Variants in LRTM3 observed in about 807,000 individuals in gnomAD.
The protein encoded by LRTM3 is leucine rich repeat transmembrane protein 3, also known as leucine-rich repeat transmembrane protein 3.
At chr13:102,739,125 T>C in the LRTM3 span, 26 of 1,550,386 alleles carry the variant, frequency 1.7e-5, no homozygotes, top group Non-Finnish European at 2.2e-5. Flanking sequence ...GGAGAAAGAA[T>C]AGAAGCACAG....
the LRTM3 span, chr13:102,741,882 T>A: frequency 5.8e-6 from 9 of 1,550,328 alleles, no homozygotes; most frequent in South Asian, 1.1e-4. Flanking sequence ...TGTGAACTAA[T>A]CCTTAACGGT....
At chr13:102,746,045 A>G in the LRTM3 span, 9 of 1,551,108 alleles carry the variant, frequency 5.8e-6, no homozygotes, top group South Asian at 9.5e-5. Context: ...ACCTCCAAGG[A>G]CTTTTATGTC....
At chr13:102,739,767 CA>C in the LRTM3 span, 1 of 1,549,104 alleles carries the variant, frequency 6.5e-7, no homozygotes. Flanking sequence ...ATCACCCCAT[CA>C]ATTGTTTCTT....
chr13:102,743,439 G>C, the LRTM3 span: 2,063 of 1,550,454 alleles, frequency 1.3e-3, 1 homozygote, highest in Non-Finnish European at 1.6e-3. Context: ...TTGGATTCAA[G>C]TTTCTTCCTA....
the LRTM3 span, chr13:102,737,126 G>C: frequency 1.3e-6 from 2 of 1,551,038 alleles, no homozygotes; most frequent in East Asian, 2.4e-5. Context: ...TAATTGCTCT[G>C]CCTCAAAAAT....
the LRTM3 span, chr13:102,738,550 C>T: frequency 1.3e-6 from 2 of 1,550,694 alleles, no homozygotes; most frequent in Non-Finnish European, 1.7e-6. Context: ...TCTTCAAAGC[C>T]CTAATTTTTT....
the LRTM3 span, chr13:102,735,707 GT>G: frequency 7.7e-6 from 12 of 1,550,942 alleles, no homozygotes; most frequent in Non-Finnish European, 1.0e-5. Flanking sequence ...GTTGCTTAAT[GT>G]GTAACCATGC....
At chr13:102,744,973 A>G in the LRTM3 span, 39 of 1,550,624 alleles carry the variant, frequency 2.5e-5, 1 homozygote, top group Admixed American at 7.3e-4. Flanking sequence ...AAACTTCACC[A>G]TTTACTGAGT....
the LRTM3 span, chr13:102,748,295 C>T: frequency 6.4e-7 from 1 of 1,551,152 alleles, no homozygotes; most frequent in Middle Eastern, 1.7e-4. Flanking sequence ...CAATGGTTTA[C>T]TTTCCTTCAG....
At chr13:102,745,470 T>C in the LRTM3 span, 8 of 1,550,896 alleles carry the variant, frequency 5.2e-6, no homozygotes, top group Admixed American at 5.9e-5. Flanking sequence ...AGTTCTTTCA[T>C]TTTGGTTGTC....
chr13:102,738,080 T>A, the LRTM3 span: 1 of 1,551,036 alleles, frequency 6.4e-7, no homozygotes, highest in Non-Finnish European at 8.7e-7. Context: ...TTCTCTGTCC[T>A]CTTTCCCTTG....
chr13:102,751,353 AC>A, the LRTM3 span, among the ~76,000 whole-genome samples: 6 of 111,298 alleles, frequency 5.4e-5, no homozygotes, highest in Non-Finnish European at 1.2e-4. Context: ...ACACACACAC[AC>A]ACACACACAC....
the LRTM3 span, among the ~76,000 whole-genome samples, chr13:102,752,944 C>A: frequency 6.6e-6 from 1 of 152,058 alleles, no homozygotes; most frequent in Non-Finnish European, 1.5e-5. Context: ...ATGACTGGTG[C>A]CCTTGTAAGA....
chr13:102,736,616 G>A, the LRTM3 span: 3 of 1,550,914 alleles, frequency 1.9e-6, no homozygotes, highest in Admixed American at 2.0e-5. Flanking sequence ...AAAAGGACAA[G>A]TTTTGCTCAG....
At chr13:102,731,312 C>A in the LRTM3 span, 1 of 1,551,280 alleles carries the variant, frequency 6.4e-7, no homozygotes, top group Non-Finnish European at 8.7e-7. Flanking sequence ...TGTTTTATGT[C>A]TAGAATAGAA....
At chr13:102,738,578 T>C in the LRTM3 span, 1 of 1,550,546 alleles carries the variant, frequency 6.4e-7, no homozygotes, top group South Asian at 1.2e-5. Context: ...TTGCCTCTGT[T>C]CTTTTTGCAA....
At chr13:102,748,144 T>C in the LRTM3 span, 5 of 1,551,064 alleles carry the variant, frequency 3.2e-6, no homozygotes, top group Non-Finnish European at 4.4e-6. Context: ...TATCAGGTAG[T>C]TGAGAAATGG....
the LRTM3 span, chr13:102,741,963 C>T: frequency 5.2e-6 from 8 of 1,550,498 alleles, no homozygotes; most frequent in African/African-American, 5.5e-5. Context: ...ATATCTTGTT[C>T]CTGTTTTCTA....
At chr13:102,745,319 G>C in the LRTM3 span, 1 of 1,550,674 alleles carries the variant, frequency 6.4e-7, no homozygotes, top group Non-Finnish European at 8.7e-7. Context: ...ATGTGGAGAT[G>C]TATCTTGCTT....
Sources: gnomAD v4.1 joint callset for allele counts (sites outside exome capture counted in the v4.1 genomes callset) on GRCh38, gnomAD v4.1.1 for gene constraint, MANE v1.5 for transcripts, NCBI Gene and HGNC (gene_info 2026-07-23, HGNC 2026-07-21) for gene names.